Variants in SLC18A2 observed in about 807,000 individuals in gnomAD.
SLC18A2 encodes solute carrier family 18 member A2.
SLC18A2 carries 33 observed loss-of-function variants against 59.2 expected under a neutral mutation model. The observed-to-expected ratio is 0.56, with a 90% CI of 0.42 to 0.75. The LOEUF is 0.75. Among genes scored for constraint, SLC18A2 ranks in the 30% least tolerant of loss-of-function variants. SLC18A2 has a pLI of 0.00. For missense variants in SLC18A2, 569 were observed against 668.6 expected (o/e 0.85, Z 1.64); for synonymous variants, 228 against 253.5 (o/e 0.90, Z 0.95).
At chr10:117,264,717 G>A (rs1180368548) in intron 10 of SLC18A2, among the ~76,000 whole-genome samples, 1 of 152,124 alleles carries the variant, frequency 6.6e-6, no homozygotes, top group Non-Finnish European at 1.5e-5. Context: ...CAATTTGCTT[G>A]TTTTATTCAT....
At chr10:117,255,392 G>C (rs758183336) in intron 7 of SLC18A2, 26 bp downstream of exon 7, 1 of 1,614,062 alleles carries the variant, frequency 6.2e-7, no homozygotes, top group Admixed American at 1.7e-5. Context: ...TGGGCGCCAT[G>C]CCATGACCTT....
At position 117,277,420 on chromosome 10, in the gene SLC18A2, T is replaced by A. The variant is rs1844515493; in HGVS notation, c.*154T>A. On this transcript the variant is annotated 3_prime_UTR_variant, in exon 16 of 16. Transcript: ENST00000644641. ...TTTCCTTTCCATGGTTATGGTCGATTGCCAACAGCCTTATAAAGAAAAAGA... is the reference window on the plus strand; with the variant it reads ...TTTCCTTTCCATGGTTATGGTCGATAGCCAACAGCCTTATAAAGAAAAAGA... The A allele has an allele frequency of 2.1e-6, 1 of 470,434 alleles. No homozygotes were observed. The highest frequency in any genetic ancestry group is 2.0e-5 in the African/African-American group (1 of 49,830). The allele number at this position is 470,434 out of a possible 1,614,324, so 29.1% of individuals were successfully genotyped here.
intron 10 of SLC18A2, among the ~76,000 whole-genome samples, chr10:117,261,067 C>G (rs1230952144): frequency 6.6e-6 from 1 of 152,054 alleles, no homozygotes; most frequent in Non-Finnish European, 1.5e-5. Context: ...CCATTAGAAA[C>G]CATATGGCAG....
intron 10 of SLC18A2, among the ~76,000 whole-genome samples, chr10:117,263,836 G>A (rs1253739639): frequency 1.3e-5 from 2 of 152,186 alleles, no homozygotes; most frequent in East Asian, 3.9e-4. Flanking sequence ...CTGTGGGGAT[G>A]CAAAGTGGGA....
chr10:117,252,643 C>T (rs1209202071), intron 3 of SLC18A2, among the ~76,000 whole-genome samples: 1 of 152,180 alleles, frequency 6.6e-6, no homozygotes, highest in East Asian at 1.9e-4. Context: ...TTCTTAGGCA[C>T]CTTCTATGCT....
rs1482279383 is a variant in SLC18A2, at chr10:117,261,139, CTTGAGACCAGGAGT to C, written c.991+3263_991+3276del. 3.3e-5 allele frequency among the ~76,000 whole-genome samples: 5 copies of C among 152,190 alleles called. No individual in the cohort carries two copies. The East Asian group carries it at 5.8e-4, about 18-fold the overall frequency. On this transcript the variant is annotated intron_variant, in intron 10 of 15. Coordinates refer to ENST00000644641, the MANE Select transcript of SLC18A2 (RefSeq NM_003054.6). ...TTGGGAGGCCGAGGCAGGTGGATTT[CTTGAGACCAGGAGT>C]TTGAGACCAGGAGTTCAAGACCAGC...
intron 3 of SLC18A2, among the ~76,000 whole-genome samples, chr10:117,249,108 G>A (rs2133729272): frequency 6.6e-6 from 1 of 152,338 alleles, no homozygotes; most frequent in South Asian, 2.1e-4. Flanking sequence ...GAAGTGGGCT[G>A]TGTAGGAACA....
intron 5 of SLC18A2, 50 bp downstream of exon 5, chr10:117,254,181 A>G: frequency 6.4e-7 from 1 of 1,555,404 alleles, no homozygotes. Context: ...TTGCAGAGTG[A>G]GCTGGACTCA....
intron 9 of SLC18A2, 30 bp downstream of exon 9, chr10:117,255,687 G>C (rs755499625): frequency 5.0e-6 from 8 of 1,605,646 alleles, no homozygotes; most frequent in Non-Finnish European, 6.8e-6. Flanking sequence ...CTGAGTCAGG[G>C]GAATGCGAGG....
chr10:117,256,005 T>G (rs918906785), intron 9 of SLC18A2, among the ~76,000 whole-genome samples: 1 of 152,120 alleles, frequency 6.6e-6, no homozygotes, highest in African/African-American at 2.4e-5. Flanking sequence ...GGCCTTGAAC[T>G]TTCCGGAAGG....
chr10:117,271,328 A>G (rs1426527432), intron 15 of SLC18A2, among the ~76,000 whole-genome samples: 1 of 152,248 alleles, frequency 6.6e-6, no homozygotes, highest in Admixed American at 6.5e-5. Context: ...TTGGAAGTAC[A>G]TCAGAAGGTC....
chr10:117,246,780 G>A (rs1160662922), intron 3 of SLC18A2, among the ~76,000 whole-genome samples: 1 of 152,042 alleles, frequency 6.6e-6, no homozygotes, highest in Non-Finnish European at 1.5e-5. Context: ...AGTCTCCTCA[G>A]TAGCTGGGAT....
chr10:117,261,815 G>A (rs1364150829), intron 10 of SLC18A2, among the ~76,000 whole-genome samples: 1 of 152,210 alleles, frequency 6.6e-6, no homozygotes, highest in Non-Finnish European at 1.5e-5. Flanking sequence ...TTTCTTTGTG[G>A]GATGGTGACA....
Position 117,269,948 on chromosome 10 carries a change from AG to A in SLC18A2, c.1187-121del, listed in dbSNP as rs1304891970. 2 of 1,125,920 alleles carry A rather than the reference AG, an allele frequency of 1.8e-6. No homozygotes were observed. The highest frequency in any genetic ancestry group is 3.1e-5 in the African/African-American group (2 of 64,508). 69.7% of individuals were successfully genotyped at this position (1,125,920 alleles called of 1,614,324 possible). On this transcript the variant is annotated intron_variant, in intron 13 of 15. Coordinates refer to ENST00000644641, the MANE Select transcript of SLC18A2 (RefSeq NM_003054.6). This position sits in a 1 kb window ranked among gnomAD's most constrained non-coding sequence, Gnocchi z 5.1. ...AGATTAGTATCACCCCAAGACTTGC[AG>A]GTGGTGATGACAGAAGGGGAAGAGC...
rs184647031 is a variant in SLC18A2, at chr10:117,258,860, G to A, written c.991+968G>A. The stretch of plus-strand genomic sequence containing the variant: ...CCACTCACTGCAACCTCTGCCTCCC[G>A]GGTTCAAGCGATTCTCCTGCCTCAG... On this transcript the variant is annotated intron_variant, in intron 10 of 15. Transcript: ENST00000644641. Among the ~76,000 whole-genome samples the A allele has an allele frequency of 6.1e-3, 919 of 151,256 alleles. 4 individuals carry two copies. Among genetic ancestry groups the A allele is most frequent in the Admixed American group, 0.011 (161 of 15,192 alleles).
chr10:117,246,998 C>G (rs886910425), intron 3 of SLC18A2, among the ~76,000 whole-genome samples: 5 of 152,310 alleles, frequency 3.3e-5, no homozygotes, highest in Admixed American at 3.3e-4. Flanking sequence ...TAATTTGTCT[C>G]ATAATTTCCA....
At position 117,277,516 on chromosome 10, in the gene SLC18A2, A is replaced by G. The variant is rs363280; in HGVS notation, c.*250A>G. The G allele has an allele frequency of 4.8e-5, 11 of 228,018 alleles. No homozygotes were observed. Among genetic ancestry groups the G allele is most frequent in the African/African-American group, 2.5e-4 (11 of 44,282 alleles). The allele number at this position is 228,018 out of a possible 1,614,324, so 14.1% of individuals were successfully genotyped here. A position where few individuals can be genotyped will look rare whatever the true frequency, so the allele number is the denominator to read the frequency against. ...TGTATTTAATTTTATTAAATATCATACAATATATTTTGATGAAATAGGTAT... is the reference window on the plus strand; with the variant it reads ...TGTATTTAATTTTATTAAATATCATGCAATATATTTTGATGAAATAGGTAT... On this transcript the variant is annotated 3_prime_UTR_variant, in exon 16 of 16. Coordinates refer to ENST00000644641, the MANE Select transcript of SLC18A2 (RefSeq NM_003054.6).
At chr10:117,270,605 ACTT>A (rs1316740870) in intron 15 of SLC18A2, 142 bp downstream of exon 15, 1 of 873,618 alleles carries the variant, frequency 1.1e-6, no homozygotes, top group Non-Finnish European at 1.7e-6. Flanking sequence ...TAGAGCAGTT[ACTT>A]CTTTTATTTT....
chr10:117,251,063 G>C lies in SLC18A2; in HGVS notation c.465-2336G>C, dbSNP rs370738707. Among the ~76,000 whole-genome samples, 4 of 152,128 alleles carry C rather than the reference G, an allele frequency of 2.6e-5. No homozygotes were observed. The East Asian group carries it at 5.8e-4, about 22-fold the overall frequency. On this transcript the variant is annotated intron_variant, in intron 3 of 15. Coordinates refer to ENST00000644641, the MANE Select transcript of SLC18A2 (RefSeq NM_003054.6). The stretch of plus-strand genomic sequence containing the variant: ...TCAGGGATGTCCCTGCAGCCTGAAG[G>C]GTTCCATATTAGAGCCTTATAAATA...
Sources: gnomAD v4.1 joint callset for allele counts (sites outside exome capture counted in the v4.1 genomes callset) on GRCh38, gnomAD v4.1.1 for gene constraint, Gnocchi (gnomAD v3.1) non-coding constraint, MANE v1.5 for transcripts, NCBI Gene and HGNC (gene_info 2026-07-23, HGNC 2026-07-21) for gene names.